DGKG: variants seen among roughly 807,000 people sequenced by gnomAD.
DGKG encodes DAG kinase gamma.
A neutral mutation model predicts 105.3 loss-of-function variants in DGKG; 78 were observed. The observed-to-expected ratio is 0.74, with a 90% CI of 0.62 to 0.89. DGKG has a LOEUF of 0.89. DGKG is among the 40% of genes least tolerant of loss of function. The pLI is 0.00. For missense variants in DGKG, 958 were observed against 1,020.1 expected (o/e 0.94, Z 0.83); for synonymous variants, 346 against 367.1 (o/e 0.94, Z 0.66).
At chr3:186,163,340 A>T (rs902798074) in intron 23 of DGKG, among the ~76,000 whole-genome samples, 43 of 152,124 alleles carry the variant, frequency 2.8e-4, no homozygotes, top group African/African-American at 1.0e-3. Context: ...AAGTCTTCTG[A>T]CTTCCCTCTG....
At chr3:186,219,151 T>TAAA (rs35173611) in intron 20 of DGKG, among the ~76,000 whole-genome samples, 2 of 124,370 alleles carry the variant, frequency 1.6e-5, no homozygotes, top group Non-Finnish European at 3.4e-5. Flanking sequence ...CATCAAGAGT[T>TAAA]AAAAAAAAAA....
At chr3:186,277,326 G>C (rs535605786) in intron 9 of DGKG, among the ~76,000 whole-genome samples, 2 of 152,200 alleles carry the variant, frequency 1.3e-5, no homozygotes, top group Admixed American at 6.5e-5. Context: ...GTTTGTTGAC[G>C]TGGAAGGAGG....
Position 186,149,726 on chromosome 3 carries a change from C to A in DGKG, c.*364G>T. 1 of 1,025,560 alleles carries A rather than the reference C, an allele frequency of 9.8e-7. No individual in the cohort carries two copies. Among genetic ancestry groups the A allele is most frequent in the Non-Finnish European group, 1.2e-6 (1 of 854,254 alleles). 63.5% of individuals were successfully genotyped at this position (1,025,560 alleles called of 1,614,324 possible). A position where few individuals can be genotyped will look rare whatever the true frequency, so the allele number is the denominator to read the frequency against. On this transcript the variant is annotated 3_prime_UTR_variant, in exon 25 of 25. Coordinates refer to ENST00000265022, the MANE Select transcript of DGKG (RefSeq NM_001346.3). ...CCTGCAGCCTGCTCCTCGCGAGCGT[C>A]CATGAGGAAACTTGCAGGGCTGGTA...
At chr3:186,260,656 T>G (rs1180599997) in intron 15 of DGKG, 143 bp from the exon 16 acceptor site, 1 of 668,650 alleles carries the variant, frequency 1.5e-6, no homozygotes. Flanking sequence ...GGGAGGGCAC[T>G]GCCTGCTGAC....
intron 3 of DGKG, among the ~76,000 whole-genome samples, chr3:186,299,124 T>C (rs1016848964): frequency 2.0e-5 from 3 of 152,244 alleles, no homozygotes; most frequent in African/African-American, 4.8e-5. Flanking sequence ...CACTGGCTTG[T>C]GCTTTGATGG....
At chr3:186,296,434 A>G (rs1244690612) in intron 5 of DGKG, among the ~76,000 whole-genome samples, 1 of 152,224 alleles carries the variant, frequency 6.6e-6, no homozygotes, top group African/African-American at 2.4e-5. Context: ...TGTATTGAAT[A>G]TGAGAACAGA....
At chr3:186,214,486 G>A (rs1451557759) in intron 20 of DGKG, among the ~76,000 whole-genome samples, 2 of 152,118 alleles carry the variant, frequency 1.3e-5, no homozygotes, top group African/African-American at 4.8e-5. Context: ...GACAGATAAG[G>A]ATGTGTAGCT....
At chr3:186,196,416 G>A (rs1343460200) in intron 21 of DGKG, among the ~76,000 whole-genome samples, 3 of 152,172 alleles carry the variant, frequency 2.0e-5, no homozygotes, top group Non-Finnish European at 4.4e-5. Flanking sequence ...TGGGATTACA[G>A]GCATGAGCCA....
intron 6 of DGKG, among the ~76,000 whole-genome samples, chr3:186,287,868 T>C (rs1235774357): frequency 6.6e-6 from 1 of 152,244 alleles, no homozygotes; most frequent in East Asian, 1.9e-4. Flanking sequence ...TAACTGGAAT[T>C]TTGACTTTGG....
chr3:186,235,350 G>A (rs1179532069), intron 20 of DGKG, among the ~76,000 whole-genome samples: 1 of 152,226 alleles, frequency 6.6e-6, no homozygotes, highest in Admixed American at 6.5e-5. Flanking sequence ...GGAAGCAGGT[G>A]CAGACAGTCT....
chr3:186,286,895 G>A (rs1035367221), intron 6 of DGKG, among the ~76,000 whole-genome samples: 5 of 152,058 alleles, frequency 3.3e-5, no homozygotes, highest in Admixed American at 6.6e-5. Flanking sequence ...GTAGCTGGGC[G>A]TAGCGGCGGG....
intron 21 of DGKG, among the ~76,000 whole-genome samples, chr3:186,207,119 G>A (rs551726607): frequency 1.3e-5 from 2 of 152,312 alleles, no homozygotes; most frequent in East Asian, 1.9e-4. Context: ...CAGCACTCAC[G>A]TTCACAGGCC....
At chr3:186,335,873 CGATTTAAAT>C (rs1725810397) in intron 1 of DGKG, among the ~76,000 whole-genome samples, 1 of 152,082 alleles carries the variant, frequency 6.6e-6, no homozygotes, top group South Asian at 2.1e-4. Flanking sequence ...AAAATCGAAA[CGATTTAAAT>C]GCCACACAAT....
Position 186,148,140 on chromosome 3 carries a change from G to A in DGKG, c.*1950C>T. On this transcript the variant is annotated 3_prime_UTR_variant, in exon 25 of 25. Transcript: ENST00000265022. ...CCACTGATAAATCTCAGAGAGGGATGGAGGCCCAATGAAGCTCTGCATGGC... is the reference window on the plus strand; with the variant it reads ...CCACTGATAAATCTCAGAGAGGGATAGAGGCCCAATGAAGCTCTGCATGGC... 5.1e-6 allele frequency: 5 copies of A among 985,496 alleles called. No homozygotes were observed. The highest frequency in any genetic ancestry group is 6.0e-6 in the Non-Finnish European group (5 of 829,974). 61.0% of individuals were successfully genotyped at this position (985,496 alleles called of 1,614,324 possible).
Position 186,335,628 on chromosome 3 carries a change from A to C in DGKG, c.-248-14921T>G, listed in dbSNP as rs1001437454. ...AAATAGTTAATATCCTTGTTGGTAG[A>C]AAGGAAGGAAACAGAAACTGTCCAA... On this transcript the variant is annotated intron_variant, in intron 1 of 24. Coordinates refer to ENST00000265022, the MANE Select transcript of DGKG (RefSeq NM_001346.3). 3.3e-5 allele frequency among the ~76,000 whole-genome samples: 5 copies of C among 152,340 alleles called. No individual in the cohort carries two copies. The East Asian group carries it at 9.6e-4, about 29-fold the overall frequency.
Position 186,226,349 on chromosome 3 carries a change from A to AG in DGKG, c.1827-14465dup, listed in dbSNP as rs1286038278. Among the ~76,000 whole-genome samples, 1 of 152,160 alleles carries AG rather than the reference A, an allele frequency of 6.6e-6. No individual in the cohort carries two copies. Among genetic ancestry groups the AG allele is most frequent in the African/African-American group, 2.4e-5 (1 of 41,422 alleles). ...TTACCAGTTGTGGAGATGGGGCCAGAGGGGGAAATGTGTACAAGGCATGAA... is the reference window on the plus strand; with the variant it reads ...TTACCAGTTGTGGAGATGGGGCCAGAGGGGGGAAATGTGTACAAGGCATGAA... On this transcript the variant is annotated intron_variant, in intron 20 of 24. Coordinates refer to ENST00000265022, the MANE Select transcript of DGKG (RefSeq NM_001346.3). The surrounding 1 kb of genome is among the most constrained non-coding windows in gnomAD (Gnocchi z 4.2).
chr3:186,230,174 C>G (rs1720080553), intron 20 of DGKG, among the ~76,000 whole-genome samples: 1 of 152,200 alleles, frequency 6.6e-6, no homozygotes, highest in Non-Finnish European at 1.5e-5. Context: ...AGGAGCATTG[C>G]TTGAACCCAG....
intron 16 of DGKG, among the ~76,000 whole-genome samples, chr3:186,258,196 T>C (rs916265651): frequency 2.0e-5 from 3 of 152,230 alleles, no homozygotes; most frequent in African/African-American, 7.2e-5. Context: ...AATGGTTTTC[T>C]AGAAATTCTG....
At chr3:186,181,884 A>G (rs2108495167) in intron 22 of DGKG, among the ~76,000 whole-genome samples, 1 of 152,370 alleles carries the variant, frequency 6.6e-6, no homozygotes, top group East Asian at 1.9e-4. Flanking sequence ...TGCTGGCTTG[A>G]GACTGAAGGC....
Sources: gnomAD v4.1 joint callset for allele counts (sites outside exome capture counted in the v4.1 genomes callset) on GRCh38, gnomAD v4.1.1 for gene constraint, Gnocchi (gnomAD v3.1) non-coding constraint, MANE v1.5 for transcripts, NCBI Gene and HGNC (gene_info 2026-07-23, HGNC 2026-07-21) for gene names.